Variants in LCOR observed in about 807,000 individuals in gnomAD.
The protein encoded by LCOR is ligand dependent nuclear receptor corepressor, also known as ligand-dependent corepressor.
Under a neutral mutation model 64.4 loss-of-function variants are expected in LCOR, and 14 were observed. The observed-to-expected ratio is 0.22, with a 90% CI of 0.14 to 0.34. LCOR has a LOEUF of 0.34. Ranked by LOEUF, LCOR falls within the 10% of genes least tolerant of loss-of-function variation. The pLI is 1.00. For missense variants in LCOR, 1,686 were observed against 1,765.3 expected (o/e 0.96, Z 0.80); for synonymous variants, 643 against 642.5 (o/e 1.00, Z -0.01).
chr10:96,863,697 A>G lies in LCOR; in HGVS notation c.-330+30218A>G, dbSNP rs949259558. On this transcript the variant is annotated intron_variant, in intron 2 of 7. Transcript: ENST00000421806. ...TTGTGCAGTCTTTAAACTGCTTTAAAGGAGTTTAGAAAAGTTGCTCAAATT... is the reference window on the plus strand; with the variant it reads ...TTGTGCAGTCTTTAAACTGCTTTAAGGGAGTTTAGAAAAGTTGCTCAAATT... Among the ~76,000 whole-genome samples, 4 of 152,234 alleles carry G rather than the reference A, an allele frequency of 2.6e-5. No homozygotes were observed. In the East Asian group the frequency reaches 7.7e-4, roughly 29 times the overall value.
At chr10:96,919,348 G>A (rs1452240310) in intron 4 of LCOR, among the ~76,000 whole-genome samples, 1 of 151,802 alleles carries the variant, frequency 6.6e-6, no homozygotes, top group Non-Finnish European at 1.5e-5. Context: ...CTTATGAACT[G>A]GTATTTGCAC....
At chr10:96,928,447 A>G (rs774881874) in intron 4 of LCOR, among the ~76,000 whole-genome samples, 2 of 151,862 alleles carry the variant, frequency 1.3e-5, no homozygotes, top group African/African-American at 2.4e-5. Flanking sequence ...ATAACAAGCA[A>G]CTCTTCACCC....
intron 2 of LCOR, among the ~76,000 whole-genome samples, chr10:96,885,700 G>GT (rs148530197): frequency 6.7e-6 from 1 of 149,070 alleles, no homozygotes. Context: ...CTGGCTAAAT[G>GT]TTTTTTTAAA....
intron 6 of LCOR, among the ~76,000 whole-genome samples, chr10:96,951,295 G>A (rs954546148): frequency 2.0e-5 from 3 of 152,178 alleles, no homozygotes; most frequent in African/African-American, 7.2e-5. Flanking sequence ...TTGTGATTTG[G>A]TCTAGTTGTA....
intron 2 of LCOR, among the ~76,000 whole-genome samples, chr10:96,868,406 C>G (rs1846014459): frequency 6.6e-6 from 1 of 151,696 alleles, no homozygotes; most frequent in Non-Finnish European, 1.5e-5. Flanking sequence ...TCCCGAGTAG[C>G]TGGGATTACA....
At position 96,990,408 on chromosome 10, in the gene LCOR, G is replaced by A. The variant is rs1398872682; in HGVS notation, c.*5274G>A. 1.3e-5 allele frequency: 2 copies of A among 150,560 alleles called. No homozygotes were observed. Among genetic ancestry groups the A allele is most frequent in the Non-Finnish European group, 3.0e-5 (2 of 67,740 alleles). 9.3% of individuals were successfully genotyped at this position (150,560 alleles called of 1,614,324 possible). On this transcript the variant is annotated 3_prime_UTR_variant, in exon 8 of 8. Transcript: ENST00000421806. Reference sequence around the variant, plus strand: ...CCAGTTAATTTTTTTTTTTTTTCCAGTTTTAGCAGAAATGAGGTCTCACTG... The same window carrying A: ...CCAGTTAATTTTTTTTTTTTTTCCAATTTTAGCAGAAATGAGGTCTCACTG...
intron 2 of LCOR, among the ~76,000 whole-genome samples, chr10:96,853,830 T>G (rs1845758713): frequency 6.6e-6 from 1 of 152,140 alleles, no homozygotes; most frequent in African/African-American, 2.4e-5. Flanking sequence ...CTTAGGAAAC[T>G]TAACATTCAT....
chr10:96,896,666 C>T (rs941221736), intron 2 of LCOR, among the ~76,000 whole-genome samples: 2 of 152,088 alleles, frequency 1.3e-5, no homozygotes, highest in Non-Finnish European at 2.9e-5. Context: ...TCAGGTGATC[C>T]ACCCGCCCTG....
chr10:96,955,993 C>G, intron 7 of LCOR: 1 of 1,528,502 alleles, frequency 6.5e-7, no homozygotes, highest in Non-Finnish European at 8.8e-7. Flanking sequence ...GCTATCATTG[C>G]TTGCACGTAA....
In LCOR at chr10:96,983,241, T is replaced by C. The variant is rs1247280575; in HGVS notation, c.2781T>C (p.Ile927=). Residue 927 remains isoleucine (I), a synonymous_variant, in exon 8 of 8, where the codon ATT becomes ATC. Coordinates refer to ENST00000421806, the MANE Select transcript of LCOR (RefSeq NM_001346516.2). The surrounding 1 kb of genome is among the most constrained non-coding windows in gnomAD (Gnocchi z 4.5). ...DKEVKELRGE[I]FPSRDPITTA... is the part of the protein sequence containing the mutation. ...AAGTCAAGGAGTTACGAGGAGAGAT[T>C]TTCCCCAGCAGGGACCCCATAACCA... 5 of 1,613,948 alleles carry C rather than the reference T, an allele frequency of 3.1e-6. No homozygotes were observed. The African/African-American group carries it at 6.7e-5, about 22-fold the overall frequency.
intron 2 of LCOR, among the ~76,000 whole-genome samples, chr10:96,839,455 G>C (rs550198985): frequency 3.3e-5 from 5 of 152,112 alleles, no homozygotes; most frequent in Admixed American, 6.5e-5. Context: ...TGTAATCCCA[G>C]TACTATGGGA....
chr10:96,842,709 C>T (rs1222485665), intron 2 of LCOR, among the ~76,000 whole-genome samples: 1 of 150,400 alleles, frequency 6.6e-6, no homozygotes, highest in African/African-American at 2.5e-5. Context: ...CGGCTCACTG[C>T]ATCCTTTTCC....
chr10:96,983,932 T>C lies in LCOR; in HGVS notation c.3472T>C (p.Cys1158Arg), dbSNP rs770683391. 6.2e-7 allele frequency: 1 copy of C among 1,614,142 alleles called. No individual in the cohort carries two copies. The highest frequency in any genetic ancestry group is 8.5e-7 in the Non-Finnish European group (1 of 1,180,014). ...GAAAAGCAAGAAAAGGTCACGGAAA[T>C]GTAGGAGTTCATTGGAGAGTCAGAA... Reference protein sequence around the residue: ...IWKSKKRSRKCRSSLESQKCS... With the variant: ...IWKSKKRSRKRRSSLESQKCS... The change falls in exon 8 of 8, where the codon TGT becomes CGT. Residue 1158 changes from cysteine to arginine, a missense_variant. By Grantham distance (180) the Cys-to-Arg change is radical. Coordinates refer to ENST00000421806, the MANE Select transcript of LCOR (RefSeq NM_001346516.2). The surrounding 1 kb of genome is among the most constrained non-coding windows in gnomAD (Gnocchi z 4.5).
At chr10:96,915,694 T>A (rs1846929237) in intron 4 of LCOR, 2 of 737,874 alleles carry the variant, frequency 2.7e-6, no homozygotes, top group Non-Finnish European at 4.9e-6. Context: ...TCCCATTTTC[T>A]ACAGGGTTAT....
At chr10:96,892,147 T>C (rs546603213) in intron 2 of LCOR, among the ~76,000 whole-genome samples, 3 of 152,280 alleles carry the variant, frequency 2.0e-5, no homozygotes, top group South Asian at 4.1e-4. Flanking sequence ...TTTTTCCTTA[T>C]GTATCTTTTG....
rs1363704452 is a variant in LCOR at position 96,923,587 on chromosome 10, TC to T, written c.-184+15841del. On this transcript the variant is annotated intron_variant, in intron 4 of 7. Coordinates refer to ENST00000421806, the MANE Select transcript of LCOR (RefSeq NM_001346516.2). ...CTTATCACCCAAAACACATCTAAAC[TC>T]ACAAGGTGACAGATATTAGAGCTAC... Among the ~76,000 whole-genome samples the T allele has an allele frequency of 2.6e-5, 4 of 152,254 alleles. No homozygotes were observed. In the East Asian group the frequency reaches 7.7e-4, roughly 29 times the overall value.
At chr10:96,889,608 C>A (rs970527443) in intron 2 of LCOR, among the ~76,000 whole-genome samples, 4 of 152,186 alleles carry the variant, frequency 2.6e-5, no homozygotes, top group Non-Finnish European at 5.9e-5. Context: ...CAGGGACCCA[C>A]CCTTCTGACC....
chr10:96,876,647 A>G (rs892017192), intron 2 of LCOR, among the ~76,000 whole-genome samples: 34 of 152,332 alleles, frequency 2.2e-4, no homozygotes, highest in South Asian at 4.1e-4. Flanking sequence ...AATACGGACA[A>G]GGCAATGAAT....
At chr10:96,916,524 G>T (rs1846948289) in intron 4 of LCOR, among the ~76,000 whole-genome samples, 1 of 149,268 alleles carries the variant, frequency 6.7e-6, no homozygotes, top group African/African-American at 2.5e-5. Context: ...AACTATGGAA[G>T]AAAAAATTTC....
Sources: allele counts gnomAD v4.1 joint callset (sites outside exome capture counted in the v4.1 genomes callset), GRCh38; gene constraint gnomAD v4.1.1; non-coding constraint Gnocchi (gnomAD v3.1); transcripts MANE v1.5; gene names NCBI Gene and HGNC (gene_info 2026-07-23, HGNC 2026-07-21).